RARB: variants seen among roughly 807,000 people sequenced by gnomAD.
RARB encodes retinoic acid receptor beta.
In RARB, 17 loss-of-function variants were observed where a neutral mutation model predicts 51.9. That is an observed-to-expected ratio of 0.33 (90% confidence interval 0.22 to 0.49). The LOEUF (loss-of-function observed/expected upper bound fraction) is 0.49, where lower values mean the gene tolerates loss of function less well. Among genes scored for constraint, RARB ranks in the 20% least tolerant of loss-of-function variants. The pLI is 0.99. For synonymous variants in RARB, 215 were observed against 195.4 expected (o/e 1.10, Z -0.84); for missense variants, 369 against 550.8 (o/e 0.67, Z 3.30).
At chr3:25,434,835 C>A (rs1157273299) in intron 1 of RARB, among the ~76,000 whole-genome samples, 1 of 152,014 alleles carries the variant, frequency 6.6e-6, no homozygotes, top group Non-Finnish European at 1.5e-5. Context: ...CCACCGAGCC[C>A]GGCCTTGTAT....
chr3:24,988,040 A>G (rs962682735), intron 2 of RARB, among the ~76,000 whole-genome samples: 7 of 152,014 alleles, frequency 4.6e-5, no homozygotes, highest in African/African-American at 1.7e-4. Flanking sequence ...TGCTTGAGAA[A>G]TTGTCTTTAG....
At chr3:25,319,766 T>G (rs1704517337) in intron 5 of RARB, among the ~76,000 whole-genome samples, 2 of 152,188 alleles carry the variant, frequency 1.3e-5, no homozygotes, top group Non-Finnish European at 2.9e-5. Flanking sequence ...AGTTTTGCCA[T>G]CCAGAAAGGA....
chr3:25,410,437 G>A (rs1161530604), intron 5 of RARB, among the ~76,000 whole-genome samples: 1 of 152,150 alleles, frequency 6.6e-6, no homozygotes, highest in Non-Finnish European at 1.5e-5. Flanking sequence ...AATCACAACT[G>A]ATACCAGCTA....
chr3:25,212,127 C>T (rs1307163550), intron 5 of RARB, among the ~76,000 whole-genome samples: 1 of 152,106 alleles, frequency 6.6e-6, no homozygotes, highest in African/African-American at 2.4e-5. Flanking sequence ...TAATGAACAA[C>T]AAACCAGCAA....
chr3:25,041,849 A>T (rs181563751), intron 2 of RARB, among the ~76,000 whole-genome samples: 4 of 152,322 alleles, frequency 2.6e-5, no homozygotes, highest in Admixed American at 6.5e-5. Context: ...TTATTAATTC[A>T]GAATTAATTA....
intron 1 of RARB, among the ~76,000 whole-genome samples, chr3:25,437,977 A>G (rs949280951): frequency 6.6e-6 from 1 of 152,186 alleles, no homozygotes; most frequent in Non-Finnish European, 1.5e-5. Context: ...TGGTCTAACA[A>G]TTTATTATGA....
chr3:25,121,659 T>C (rs915161329), intron 3 of RARB, among the ~76,000 whole-genome samples: 2 of 152,154 alleles, frequency 1.3e-5, no homozygotes, highest in African/African-American at 4.8e-5. Context: ...AATGGTATTT[T>C]GGATTTGGTA....
At chr3:25,129,395 T>G (rs1474789206) in intron 3 of RARB, among the ~76,000 whole-genome samples, 4 of 152,102 alleles carry the variant, frequency 2.6e-5, no homozygotes, top group Non-Finnish European at 5.9e-5. Context: ...TTCCTGAGCT[T>G]CCTTTATTTA....
chr3:25,100,247 C>A (rs781047894), intron 3 of RARB, among the ~76,000 whole-genome samples: 1 of 152,024 alleles, frequency 6.6e-6, no homozygotes, highest in Non-Finnish European at 1.5e-5. Context: ...GAATCAATAG[C>A]AAGTTAAGGA....
chr3:25,324,826 C>T (rs1266072236), intron 5 of RARB, among the ~76,000 whole-genome samples: 1 of 152,182 alleles, frequency 6.6e-6, no homozygotes, highest in Non-Finnish European at 1.5e-5. Context: ...CTTTTCCTCT[C>T]CCCTCCATCC....
intron 2 of RARB, among the ~76,000 whole-genome samples, chr3:25,054,254 G>T (rs1698394456): frequency 6.6e-6 from 1 of 151,870 alleles, no homozygotes; most frequent in Non-Finnish European, 1.5e-5. Flanking sequence ...ATGTTTTTTT[G>T]ACAGGGAAGT....
intron 5 of RARB, among the ~76,000 whole-genome samples, chr3:25,311,399 G>C (rs567170585): frequency 1.3e-5 from 2 of 152,210 alleles, no homozygotes; most frequent in African/African-American, 4.8e-5. Context: ...GTTTGGGTCG[G>C]TACTAAAGGA....
chr3:25,090,668 A>G (rs903328477), intron 3 of RARB, among the ~76,000 whole-genome samples: 2 of 152,130 alleles, frequency 1.3e-5, no homozygotes, highest in Non-Finnish European at 2.9e-5. Flanking sequence ...CTCACTTCCT[A>G]TATAAACAGT....
intron 2 of RARB, among the ~76,000 whole-genome samples, chr3:24,947,412 A>C (rs2125403788): frequency 6.6e-6 from 1 of 152,310 alleles, no homozygotes; most frequent in South Asian, 2.1e-4. Flanking sequence ...CACAAGATTA[A>C]ATTTTGGATA....
chr3:25,361,858 G>A (rs777210111), intron 5 of RARB, among the ~76,000 whole-genome samples: 36 of 152,076 alleles, frequency 2.4e-4, no homozygotes, highest in Non-Finnish European at 4.3e-4. Flanking sequence ...TGGAAGCCTC[G>A]TCCCAGAGGG....
chr3:25,073,315 C>A (rs1698807765), intron 3 of RARB, among the ~76,000 whole-genome samples: 2 of 152,198 alleles, frequency 1.3e-5, no homozygotes, highest in Admixed American at 1.3e-4. Context: ...ACCTTTCTTT[C>A]CCTTAATGTG....
At chr3:24,953,384 T>G (rs139490669) in intron 2 of RARB, among the ~76,000 whole-genome samples, 225 of 152,304 alleles carry the variant, frequency 1.5e-3, no homozygotes, top group African/African-American at 5.1e-3. Flanking sequence ...CTAAAATAAA[T>G]GGAAACATCT....
intron 2 of RARB, among the ~76,000 whole-genome samples, chr3:24,863,603 T>C (rs1702795502): frequency 1.3e-5 from 2 of 152,052 alleles, no homozygotes; most frequent in Admixed American, 6.5e-5. Context: ...GGGAATAAGA[T>C]TTCTTGTACG....
At chr3:25,211,708 G>A (rs1473041889) in intron 5 of RARB, among the ~76,000 whole-genome samples, 1 of 152,160 alleles carries the variant, frequency 6.6e-6, no homozygotes, top group Admixed American at 6.5e-5. Flanking sequence ...AGGGAGTCAT[G>A]TGGTCTTTTG....
Sources: allele counts gnomAD v4.1 joint callset (sites outside exome capture counted in the v4.1 genomes callset), GRCh38; gene constraint gnomAD v4.1.1; transcripts MANE v1.5; gene names NCBI Gene and HGNC (gene_info 2026-07-23, HGNC 2026-07-21).